The following LILRB5 variants were observed in gnomAD, a reference collection of about 807,000 sequenced individuals.
The protein encoded by LILRB5 is leukocyte immunoglobulin like receptor B5.
LILRB5 carries 61 observed loss-of-function variants against 68.4 expected under a neutral mutation model. The observed-to-expected ratio is 0.89, with a 90% CI of 0.73 to 1.10. LILRB5 has a LOEUF of 1.10. LILRB5 is among the 50% of genes least tolerant of loss of function. The pLI is 0.00. For missense variants in LILRB5, 771 were observed against 751.6 expected, an observed-to-expected ratio of 1.03 and a Z score of -0.30; for synonymous variants, 356 against 315.8, an observed-to-expected ratio of 1.13 and a Z score of -1.35.
rs375671699 is a variant in LILRB5, at chr19:54,254,373, G to A, written c.1298C>T (p.Pro433Leu). The A allele has an allele frequency of 2.9e-5, 46 of 1,581,598 alleles. No individual in the cohort carries two copies. Among genetic ancestry groups the A allele is most frequent in the Non-Finnish European group, 3.7e-5 (43 of 1,163,886 alleles). ...DPSLSPTGST[P>L]TPAGPEDQPL... is the part of the protein sequence containing the mutation. ...AGGCCTCAGTGACTCACCAGGTGTG[G>A]GGGTGGAGCCTGTAGGTGAGAGGCT... Residue 433 changes from proline to leucine, a missense_variant, in exon 7 of 13, where the codon CCC becomes CTC. By Grantham distance (98) the Pro-to-Leu change is moderately conservative (BLOSUM62 -3). Coordinates refer to ENST00000449561, the MANE Select transcript of LILRB5 (RefSeq NM_001081442.3).
chr19:54,254,810 G>T lies in LILRB5; in HGVS notation c.1180C>A (p.Arg394=), dbSNP rs563580680. The T allele has an allele frequency of 9.3e-6, 15 of 1,614,022 alleles. No individual in the cohort carries two copies. The highest frequency in any genetic ancestry group is 1.2e-5 in the Non-Finnish European group (14 of 1,180,012). Reference sequence around the variant, plus strand: ...TAGGACCTGATTGCGCTGTAGCATCGGTAGGTTCCACCCTGGGCTGAGGTC... The same window carrying T: ...TAGGACCTGATTGCGCTGTAGCATCTGTAGGTTCCACCCTGGGCTGAGGTC... ...PVTSAQGGTY[R]CYSAIRSYPY... Residue 394 remains arginine (R), a synonymous_variant, in exon 6 of 13, where the codon CGA becomes AGA. Transcript: ENST00000449561.
intron 6 of LILRB5, 24 bp downstream of exon 6, chr19:54,254,711 A>G (rs1312894312): frequency 6.2e-7 from 1 of 1,612,550 alleles, no homozygotes. Flanking sequence ...TTGAGCTTGG[A>G]CAGGACAGGG....
intron 7 of LILRB5, 95 bp from the exon 8 acceptor site, chr19:54,254,163 C>A: frequency 6.6e-7 from 1 of 1,526,090 alleles, no homozygotes; most frequent in Non-Finnish European, 8.8e-7. Context: ...CACCCAACAT[C>A]TCTCTCTGCC....
chr19:54,256,369 G>T (rs756841467), intron 3 of LILRB5, 27 bp from the exon 4 acceptor site: 1 of 1,589,806 alleles, frequency 6.3e-7, no homozygotes, highest in Admixed American at 1.7e-5. Context: ...CACGTCTTAA[G>T]TGGGGCTCCG....
chr19:54,255,053 A>G lies in LILRB5; in HGVS notation c.953-16T>C. On this transcript the variant is annotated splice_polypyrimidine_tract_variant and intron_variant, in intron 5 of 12. Transcript: ENST00000449561. ...GGGATCAGTCCTGGAGAGAAGAAGG[A>G]TGGGTGAGGGGCTGCCCCACCTTGC... 1.9e-6 allele frequency: 3 copies of G among 1,584,184 alleles called. No individual in the cohort carries two copies. The East Asian group carries it at 6.7e-5, about 36-fold the overall frequency.
chr19:54,256,017 A>G, intron 4 of LILRB5, 26 bp downstream of exon 4: 1 of 1,512,174 alleles, frequency 6.6e-7, no homozygotes, highest in Non-Finnish European at 8.8e-7. Context: ...CCAAAATTAT[A>G]TAAAGAAGTG....
At chr19:54,252,808 C>T (rs2079002377) in intron 9 of LILRB5, 63 bp downstream of exon 9, 1 of 1,448,540 alleles carries the variant, frequency 6.9e-7, no homozygotes. Flanking sequence ...GTTTGGTTTC[C>T]CTCTGGCTGG....
Position 54,250,811 on chromosome 19 carries a change from A to G in LILRB5, c.1751T>C (p.Ile584Thr). 2 of 1,614,112 alleles carry G rather than the reference A, an allele frequency of 1.2e-6. No homozygotes were observed. The highest frequency in any genetic ancestry group is 1.7e-6 in the Non-Finnish European group (2 of 1,180,014). Residue 584 changes from isoleucine to threonine, a missense_variant, in exon 13 of 13, where the codon ATC becomes ACC. Coordinates refer to ENST00000449561, the MANE Select transcript of LILRB5 (RefSeq NM_001081442.3). ...QEREPPAEPS[I>T]YAPLAIH ...CTAGTGGATGGCCAGGGGGGCGTAG[A>G]TGCTGGGTTCAGCTGGAGGTTCCCT...
rs1299219871 is a variant in LILRB5, at chr19:54,254,755, G to T, written c.1235C>A (p.Pro412His). 1.9e-6 allele frequency: 3 copies of T among 1,614,088 alleles called. No individual in the cohort carries two copies. Among genetic ancestry groups the T allele is most frequent in the South Asian group, 2.2e-5 (2 of 91,082 alleles). The change falls in exon 6 of 13, where the codon CCC (proline) becomes CAC (histidine). Residue 412 changes from proline (P) to histidine (H), a missense_variant. Physicochemically the swap from Pro to His is moderately conservative, Grantham distance 77. Coordinates refer to ENST00000449561, the MANE Select transcript of LILRB5 (RefSeq NM_001081442.3). The stretch of plus-strand genomic sequence containing the variant: ...CTCACCTGAGACCACGAGCTCCTGG[G>T]GGTAACTAGGGCTGGACAGCAGGTA... ...YPYLLSSPSY[P>H]QELVVSGPSG...
intron 9 of LILRB5, 153 bp downstream of exon 9, chr19:54,252,718 C>G: frequency 3.0e-6 from 3 of 997,254 alleles, no homozygotes; most frequent in Non-Finnish European, 4.6e-6. Context: ...CACACATGCT[C>G]ACATTTATTC....
intron 4 of LILRB5, 160 bp from the exon 5 acceptor site, chr19:54,255,742 C>G (rs1343403260): frequency 1.1e-6 from 1 of 908,880 alleles, no homozygotes; most frequent in African/African-American, 1.7e-5. Context: ...TGGAGTAGTT[C>G]CAGACCGATA....
Position 54,252,389 on chromosome 19 carries a change from G to GC in LILRB5, c.1552dup (p.Ala518GlyfsTer2). ...ACTGAGAATTTCCTCCTGGATGTCA[G>GC]CAACTGGGCTGGCCCTGGGGGAGGA... On this transcript the variant is annotated frameshift_variant, in exon 11 of 13. Coordinates refer to ENST00000449561, the MANE Select transcript of LILRB5 (RefSeq NM_001081442.3). LOFTEE classifies it high-confidence loss of function. The GC allele has an allele frequency of 6.2e-7, 1 of 1,614,132 alleles. No homozygotes were observed. The highest frequency in any genetic ancestry group is 8.5e-7 in the Non-Finnish European group (1 of 1,180,016).
chr19:54,256,464 C>T, intron 3 of LILRB5, 25 bp downstream of exon 3: 3 of 1,612,254 alleles, frequency 1.9e-6, no homozygotes, highest in Non-Finnish European at 2.5e-6. Context: ...GAGCCTGGGG[C>T]TGGGACCCCT....
In LILRB5 at chr19:54,256,653, C is replaced by A. The variant is rs1429402066; in HGVS notation, c.191G>T (p.Gly64Val). 1 of 1,614,162 alleles carries A rather than the reference C, an allele frequency of 6.2e-7. No individual in the cohort carries two copies. The stretch of plus-strand genomic sequence containing the variant: ...CTGTCTCTTCCGGGCCCATGGGAGT[C>A]CCTCCTTATCCAGACGGTACTCCTC... ...ETEEYRLDKEGLPWARKRQNP... is the reference protein window; with the variant it reads ...ETEEYRLDKEVLPWARKRQNP... The change falls in exon 3 of 13, where the codon GGA (glycine) becomes GTA (valine). Residue 64 changes from glycine to valine, a missense_variant. Physicochemically the swap from Gly to Val is moderately radical, Grantham distance 109. Transcript: ENST00000449561.
In LILRB5 at chr19:54,255,344, T is replaced by C. The variant is rs140137881; in HGVS notation, c.894A>G (p.Ala298=). 8.1e-6 allele frequency: 13 copies of C among 1,613,846 alleles called. No individual in the cohort carries two copies. The African/African-American group carries it at 1.7e-4, about 22-fold the overall frequency. The stretch of plus-strand genomic sequence containing the variant: ...CCGACCACCTAGGGGAGAGGTTGTG[T>C]GCACCGTAGCATCTGTACTGGCCCC... ...SHGGQYRCYG[A]HNLSPRWSAP... is the part of the protein sequence containing the mutation. Residue 298 remains alanine (A), a synonymous_variant, in exon 5 of 13, where the codon GCA becomes GCG. Coordinates refer to ENST00000449561, the MANE Select transcript of LILRB5 (RefSeq NM_001081442.3).
rs1004564616 is a variant in LILRB5, at chr19:54,256,960, C to T, written c.70+1G>A. ...CCTGGGACAGCTGGGGACAGACTCA[C>T]CTGCCTGCACGCAGGTCCTGGGGCC... On this transcript the variant is annotated splice_donor_variant, in intron 2 of 12. Transcript: ENST00000449561. LOFTEE classifies it high-confidence loss of function. 8 of 1,614,090 alleles carry T rather than the reference C, an allele frequency of 5.0e-6. No homozygotes were observed. Among genetic ancestry groups the T allele is most frequent in the Non-Finnish European group, 5.9e-6 (7 of 1,180,036 alleles).
intron 12 of LILRB5, chr19:54,251,188 G>T (rs10425476): frequency 0.057 from 80,451 of 1,402,118 alleles, 620 homozygotes; most frequent in African/African-American, 0.23. Flanking sequence ...AGACAGTGGT[G>T]GGGGGTGTCC....
In LILRB5 at chr19:54,254,891, G is replaced by A. The variant is rs201218254; in HGVS notation, c.1099C>T (p.Leu367=). 8 of 1,614,134 alleles carry A rather than the reference G, an allele frequency of 5.0e-6. No individual in the cohort carries two copies. The South Asian group carries it at 8.8e-5, about 18-fold the overall frequency. The change falls in exon 6 of 13, where the codon CTA becomes TTA. Residue 367 remains leucine, a synonymous_variant. Transcript: ENST00000449561. The stretch of plus-strand genomic sequence containing the variant: ...CTATAAGACTGGTACTTTGACTTTA[G>A]ACACAGCGGGGGATGGGCTGCCCCC... ...KEGAAHPPLC[L]KSKYQSYRHQ...
At chr19:54,251,891 G>A (rs947324741) in intron 12 of LILRB5, 163 bp downstream of exon 12, 6 of 835,116 alleles carry the variant, frequency 7.2e-6, no homozygotes, top group Non-Finnish European at 8.5e-6. Context: ...TCCCAGGACA[G>A]CAGAAGAGAG....
Sources: allele counts gnomAD v4.1 joint callset, GRCh38; gene constraint gnomAD v4.1.1; transcripts MANE v1.5; gene names NCBI Gene and HGNC (gene_info 2026-07-23, HGNC 2026-07-21).